Variants in LDHC observed in about 807,000 individuals in gnomAD.
LDHC encodes the protein L-lactate dehydrogenase C chain.
A neutral mutation model predicts 30.2 loss-of-function variants in LDHC; 20 were observed. The ratio of observed to expected loss-of-function variants is 0.66; its 90% CI spans 0.47 to 0.96. The LOEUF (loss-of-function observed/expected upper bound fraction) is 0.96, where lower values mean the gene tolerates loss of function less well. Ranked by LOEUF, LDHC falls within the 40% of genes least tolerant of loss-of-function variation. LDHC has a pLI of 0.00. For missense variants in LDHC, 362 were observed against 394.9 expected (o/e 0.92, Z 0.71); for synonymous variants, 139 against 132.7 (o/e 1.05, Z -0.32).
chr11:18,429,747 A>T lies in LDHC; in HGVS notation c.255A>T (p.Val85=). 2 of 1,601,086 alleles carry T rather than the reference A, an allele frequency of 1.2e-6. No individual in the cohort carries two copies. Among genetic ancestry groups the T allele is most frequent in the Non-Finnish European group, 1.7e-6 (2 of 1,170,370 alleles). The part of the protein sequence containing the change: ...SKITSGKDYS[V]SANSRIVIVT... ...TTGTTTCCTTTTTAGATTACAGTGT[A>T]TCTGCAAACTCCAGAATAGTTATTG... Residue 85 remains valine (V), a synonymous_variant, in exon 4 of 8, where the codon GTA becomes GTT. Coordinates refer to ENST00000541669, the MANE Select transcript of LDHC (RefSeq NM_017448.5).
At chr11:18,450,738 T>A (rs1848641340) in intron 7 of LDHC, 2 of 412,204 alleles carry the variant, frequency 4.9e-6, no homozygotes, top group East Asian at 4.7e-5. Flanking sequence ...TGTTTCTGGG[T>A]CCTTCTAAAG....
intron 6 of LDHC, among the ~76,000 whole-genome samples, chr11:18,441,784 C>T (rs951049907): frequency 2.8e-4 from 43 of 151,790 alleles, no homozygotes; most frequent in African/African-American, 9.9e-4. Context: ...TGGTGGCGGG[C>T]GCCTGTAATC....
intron 3 of LDHC, among the ~76,000 whole-genome samples, chr11:18,424,255 G>A (rs1303423061): frequency 2.0e-5 from 3 of 152,120 alleles, no homozygotes; most frequent in South Asian, 4.1e-4. Flanking sequence ...GGTGGTGCGC[G>A]CCTGTAATCC....
chr11:18,417,690 C>T (rs1867049023), intron 3 of LDHC, among the ~76,000 whole-genome samples: 1 of 152,184 alleles, frequency 6.6e-6, no homozygotes, highest in South Asian at 2.1e-4. Context: ...TTTCTCAAAC[C>T]TAGAAGGACA....
At chr11:18,438,415 A>G in intron 5 of LDHC, 113 bp from the exon 6 acceptor site, 1 of 670,698 alleles carries the variant, frequency 1.5e-6, no homozygotes. Flanking sequence ...TTTGGAGGAG[A>G]CAAACATCTG....
intron 6 of LDHC, among the ~76,000 whole-genome samples, chr11:18,442,779 C>T (rs950253207): frequency 2.7e-5 from 4 of 150,200 alleles, no homozygotes; most frequent in Admixed American, 1.3e-4. Context: ...TCTCATGCCT[C>T]GGCCTCTTGA....
At chr11:18,449,112 A>T (rs1024796571) in intron 7 of LDHC, among the ~76,000 whole-genome samples, 1 of 152,116 alleles carries the variant, frequency 6.6e-6, no homozygotes, top group Non-Finnish European at 1.5e-5. Context: ...AGGGAAGCAG[A>T]GGGACTTCTT....
At chr11:18,447,294 C>T (rs867751622) in intron 7 of LDHC, among the ~76,000 whole-genome samples, 6 of 152,040 alleles carry the variant, frequency 3.9e-5, no homozygotes, top group South Asian at 2.1e-4. Context: ...CCACCACACC[C>T]GGCTAATTTT....
intron 7 of LDHC, among the ~76,000 whole-genome samples, chr11:18,447,178 G>C (rs1848567476): frequency 6.7e-6 from 1 of 148,966 alleles, no homozygotes; most frequent in Non-Finnish European, 1.5e-5. Flanking sequence ...CTGTCACCCA[G>C]GCTGGAGTGC....
At position 18,434,733 on chromosome 11, in the gene LDHC, T is replaced by G. The variant is rs765489108; in HGVS notation, c.419-7T>G. Reference sequence around the variant, plus strand: ...ATCTTTTTCTAACACAAAATTTTTCTTCTTAGTGGATATTTTGACATATAT... The same window carrying G: ...ATCTTTTTCTAACACAAAATTTTTCGTCTTAGTGGATATTTTGACATATAT... On this transcript the variant is annotated splice_polypyrimidine_tract_variant and splice_region_variant and intron_variant, in intron 4 of 7. Transcript: ENST00000541669. 1.3e-6 allele frequency: 2 copies of G among 1,556,124 alleles called. No individual in the cohort carries two copies. Among genetic ancestry groups the G allele is most frequent in the South Asian group, 2.4e-5 (2 of 84,650 alleles).
chr11:18,431,092 C>T lies in LDHC; in HGVS notation c.418+1182C>T, dbSNP rs189472567. ...CTGTGGTTGTGCCACTGCACTCCAG[C>T]CTGAGTGGCAGAGTGAAACCTTGTC... is the stretch of plus-strand genomic sequence containing the variant. On this transcript the variant is annotated intron_variant, in intron 4 of 7. Coordinates refer to ENST00000541669, the MANE Select transcript of LDHC (RefSeq NM_017448.5). Among the ~76,000 whole-genome samples, 562 of 151,926 alleles carry T rather than the reference C, an allele frequency of 3.7e-3. 2 individuals are homozygous for T. Among genetic ancestry groups the T allele is most frequent in the Admixed American group, 6.8e-3 (103 of 15,232 alleles).
chr11:18,417,069 A>T (rs538519937), intron 3 of LDHC, among the ~76,000 whole-genome samples: 87 of 152,160 alleles, frequency 5.7e-4, no homozygotes, highest in African/African-American at 2.0e-3. Flanking sequence ...TTTTTAGCAG[A>T]CACAGGGTTT....
intron 5 of LDHC, among the ~76,000 whole-genome samples, chr11:18,435,888 C>G (rs1848346914): frequency 6.6e-6 from 1 of 152,190 alleles, no homozygotes; most frequent in Admixed American, 6.6e-5. Flanking sequence ...ACCAACCTCT[C>G]TCTTTACTGA....
chr11:18,415,111 C>A, intron 2 of LDHC, 73 bp from the exon 3 acceptor site: 1 of 736,846 alleles, frequency 1.4e-6, no homozygotes, highest in Non-Finnish European at 2.3e-6. Flanking sequence ...TATCAAGTAG[C>A]CACATGAAAA....
chr11:18,414,775 C>T (rs112883073), intron 2 of LDHC, among the ~76,000 whole-genome samples: 3,290 of 152,106 alleles, frequency 0.022, 54 homozygotes, highest in African/African-American at 0.046. Context: ...TTGCAGTGCC[C>T]GAGATTGTGC....
intron 7 of LDHC, among the ~76,000 whole-genome samples, chr11:18,447,448 TTAGTGAAAGGAGA>T (rs1045561479): frequency 1.5e-4 from 23 of 152,192 alleles, no homozygotes; most frequent in African/African-American, 5.1e-4. Flanking sequence ...TTCTCTATTT[TTAGTGAAAGGAGA>T]TAGTGAAAGG....
intron 3 of LDHC, among the ~76,000 whole-genome samples, chr11:18,428,142 ATTTTC>A (rs1169231021): frequency 1.6e-5 from 2 of 127,034 alleles, no homozygotes; most frequent in Admixed American, 7.7e-5. Flanking sequence ...GGTAGATTTC[ATTTTC>A]TTTTCTTTCT....
In LDHC at chr11:18,425,890, G is replaced by A. The variant is rs182700278; in HGVS notation, c.245-3847G>A. Among the ~76,000 whole-genome samples the A allele has an allele frequency of 3.5e-4, 53 of 151,854 alleles. 1 individual carries two copies. The highest frequency in any genetic ancestry group is 1.1e-3 in the African/African-American group (45 of 41,404). On this transcript the variant is annotated intron_variant, in intron 3 of 7. Transcript: ENST00000541669. ...CAGGAGGCGGAGCTTGCAGTGAGCC[G>A]AGATCGCGCCACTGCACTCCAGCCT...
In LDHC at chr11:18,412,696, T is replaced by C; in HGVS notation, c.-9-13T>C. ...GTGTGGTTAATCCAATGAAATTGCATTATCCCTATCAGGTTCTCCAAATGT... is the reference window on the plus strand; with the variant it reads ...GTGTGGTTAATCCAATGAAATTGCACTATCCCTATCAGGTTCTCCAAATGT... On this transcript the variant is annotated splice_polypyrimidine_tract_variant and intron_variant, in intron 1 of 7. Coordinates refer to ENST00000541669, the MANE Select transcript of LDHC (RefSeq NM_017448.5). 6.2e-7 allele frequency: 1 copy of C among 1,610,572 alleles called. No homozygotes were observed. Among genetic ancestry groups the C allele is most frequent in the Non-Finnish European group, 8.5e-7 (1 of 1,178,120 alleles).
Sources: allele counts gnomAD v4.1 joint callset (sites outside exome capture counted in the v4.1 genomes callset), GRCh38; gene constraint gnomAD v4.1.1; transcripts MANE v1.5; gene names NCBI Gene and HGNC (gene_info 2026-07-23, HGNC 2026-07-21).